Variants in SMIM7 observed in about 807,000 individuals in gnomAD.
SMIM7 encodes small integral membrane protein 7, also known as UPF0608 protein C19orf42.
A neutral mutation model predicts 13.3 loss-of-function variants in SMIM7; 12 were observed. That is an observed-to-expected ratio of 0.90 (90% CI 0.58 to 1.46). The LOEUF (loss-of-function observed/expected upper bound fraction) is 1.46. SMIM7 is among the 40% of genes most tolerant of loss of function. SMIM7 has a pLI of 0.00. For missense variants in SMIM7, 114 were observed against 94.8 expected, an observed-to-expected ratio of 1.20 and a Z score of -0.84; for synonymous variants, 36 against 35.8, an observed-to-expected ratio of 1.01 and a Z score of -0.02.
At chr19:16,653,479 A>C (rs2086555077) in intron 4 of SMIM7, among the ~76,000 whole-genome samples, 1 of 152,102 alleles carries the variant, frequency 6.6e-6, no homozygotes, top group Non-Finnish European at 1.5e-5. Context: ...GCTACTCGGG[A>C]GGCTGAGGCA....
At chr19:16,633,438 A>G (rs1489420228) in intron 4 of SMIM7, among the ~76,000 whole-genome samples, 1 of 149,702 alleles carries the variant, frequency 6.7e-6, no homozygotes, top group African/African-American at 2.5e-5. Context: ...CCTAGACAAC[A>G]GAGTGAGAAT....
intron 4 of SMIM7, chr19:16,636,348 A>G (rs770639208): frequency 6.6e-5 from 10 of 152,054 alleles, no homozygotes; most frequent in Non-Finnish European, 1.5e-4. Context: ...TGTACTTTTG[A>G]CTTCCAGAAT....
chr19:16,647,791 G>A (rs1407331387), intron 4 of SMIM7, among the ~76,000 whole-genome samples: 1 of 152,088 alleles, frequency 6.6e-6, no homozygotes, highest in Non-Finnish European at 1.5e-5. Context: ...CGGTACAGCT[G>A]TTAAACAAAA....
intron 4 of SMIM7, chr19:16,653,751 C>A: frequency 2.4e-6 from 1 of 412,780 alleles, no homozygotes; most frequent in Non-Finnish European, 4.3e-6. Context: ...AAAAATCAGC[C>A]GTGTGTGGTG....
At position 16,656,599 on chromosome 19, in the gene SMIM7, TA is replaced by T. The variant is rs375539931; in HGVS notation, c.122-2475del. 4.1e-5 allele frequency among the ~76,000 whole-genome samples: 6 copies of T among 145,070 alleles called. No homozygotes were observed. The Admixed American group carries it at 4.1e-4, about 10-fold the overall frequency. ...CATGTGCATGGGGAAGGGTGGGAGG[TA>T]AAAAAAAAGCCTTTCCAGCCGGGTG... On this transcript the variant is annotated intron_variant, in intron 3 of 4. Coordinates refer to ENST00000487416, the MANE Select transcript of SMIM7 (RefSeq NM_024104.4).
chr19:16,660,039 C>T (rs749563129), intron 1 of SMIM7, 39 bp from the exon 2 acceptor site: 5 of 1,614,020 alleles, frequency 3.1e-6, no homozygotes, highest in Admixed American at 1.7e-5. Flanking sequence ...GGCGCCCCCG[C>T]GTCCTGCCTG....
intron 4 of SMIM7, among the ~76,000 whole-genome samples, chr19:16,647,920 G>A (rs2086470820): frequency 6.6e-6 from 1 of 152,174 alleles, no homozygotes; most frequent in Non-Finnish European, 1.5e-5. Context: ...ATTTCCACAT[G>A]CAAAAGAATA....
At chr19:16,653,002 T>C (rs1235796440) in intron 4 of SMIM7, 27 of 1,547,544 alleles carry the variant, frequency 1.7e-5, no homozygotes, top group South Asian at 2.4e-5. Flanking sequence ...AACAATAAAG[T>C]CTGAATACAT....
At chr19:16,652,070 C>T (rs1467762417) in intron 4 of SMIM7, among the ~76,000 whole-genome samples, 4 of 150,598 alleles carry the variant, frequency 2.7e-5, no homozygotes, top group Non-Finnish European at 4.4e-5. Context: ...AGGACCTTTG[C>T]AAAGACGAGA....
At chr19:16,638,657 T>C (rs1159200933) in intron 4 of SMIM7, among the ~76,000 whole-genome samples, 2 of 152,162 alleles carry the variant, frequency 1.3e-5, no homozygotes, top group African/African-American at 4.8e-5. Flanking sequence ...CAATGCAAGA[T>C]GGCCTAATAC....
chr19:16,646,004 A>G (rs1284318149), downstream of SMIM7: 1 of 151,986 alleles, frequency 6.6e-6, no homozygotes, highest in Non-Finnish European at 1.5e-5. Flanking sequence ...AGCTAAATCC[A>G]AAAAGGAAAC....
chr19:16,647,529 C>T (rs936701071), intron 4 of SMIM7, among the ~76,000 whole-genome samples: 4 of 149,478 alleles, frequency 2.7e-5, no homozygotes, highest in East Asian at 1.9e-4. Context: ...GATCTCAGCT[C>T]GCTGCAACCT....
intron 3 of SMIM7, 115 bp from the exon 4 acceptor site, chr19:16,654,240 G>A (rs575028708): frequency 2.6e-6 from 2 of 758,098 alleles, no homozygotes; most frequent in Middle Eastern, 5.5e-4. Context: ...TCCAACTTCG[G>A]CAACAGTGTG....
downstream of SMIM7, among the ~76,000 whole-genome samples, chr19:16,642,886 C>T (rs576005647): frequency 1.3e-5 from 2 of 150,108 alleles, no homozygotes; most frequent in Admixed American, 1.3e-4. Flanking sequence ...TGCAGCGGCG[C>T]GATCATGGCT....
At chr19:16,639,247 C>G (rs865909434) in intron 4 of SMIM7, among the ~76,000 whole-genome samples, 1 of 151,752 alleles carries the variant, frequency 6.6e-6, no homozygotes, top group South Asian at 2.1e-4. Flanking sequence ...CTCAGCCTCC[C>G]GAGTAGCTGG....
downstream of SMIM7, chr19:16,641,190 A>G (rs1241770786): frequency 6.6e-6 from 1 of 152,038 alleles, no homozygotes; most frequent in Non-Finnish European, 1.5e-5. Flanking sequence ...TCTGCAGGCC[A>G]TATGGTCTCT....
At chr19:16,632,010 C>T (rs1301578190) in intron 4 of SMIM7, among the ~76,000 whole-genome samples, 1 of 151,962 alleles carries the variant, frequency 6.6e-6, no homozygotes, top group Admixed American at 6.6e-5. Context: ...GCTGGGACTA[C>T]AGGCGGGTGC....
chr19:16,650,709 CAAAAAA>C (rs571019127), intron 4 of SMIM7, among the ~76,000 whole-genome samples: 1 of 98,168 alleles, frequency 1.0e-5, no homozygotes, highest in Non-Finnish European at 2.3e-5. Context: ...GACTCCACCT[CAAAAAA>C]AAAAAAAAAA....
chr19:16,632,704 G>C (rs545271749), intron 4 of SMIM7, among the ~76,000 whole-genome samples: 3 of 151,948 alleles, frequency 2.0e-5, no homozygotes, highest in African/African-American at 4.8e-5. Context: ...GCTAATTTTT[G>C]TATTTTTAGT....
Sources: allele counts gnomAD v4.1 joint callset (sites outside exome capture counted in the v4.1 genomes callset), GRCh38; gene constraint gnomAD v4.1.1; transcripts MANE v1.5; gene names NCBI Gene and HGNC (gene_info 2026-07-23, HGNC 2026-07-21).